The following AWAT2 variants were observed in gnomAD, a reference collection of about 807,000 sequenced individuals.
AWAT2 encodes the protein acyl-CoA wax alcohol acyltransferase 2.
AWAT2 carries 9 observed loss-of-function variants against 22.3 expected under a neutral mutation model. The ratio of observed to expected loss-of-function variants is 0.40; its 90% CI spans 0.24 to 0.70. AWAT2 has a LOEUF of 0.70. Among genes scored for constraint, AWAT2 ranks in the 30% least tolerant of loss-of-function variants. The pLI is 0.36. For synonymous variants in AWAT2, 100 were observed against 93.4 expected (o/e 1.07, Z -0.40); for missense variants, 217 against 265.9 (o/e 0.82, Z 1.28).
chrX:70,047,979 C>T (rs1243217691), intron 1 of AWAT2, among the ~76,000 whole-genome samples: 1 of 103,635 alleles, frequency 9.6e-6, no homozygotes, highest in Non-Finnish European at 2.0e-5. Flanking sequence ...ACACTGGGAC[C>T]TGATCCCTCA....
intron 1 of AWAT2, among the ~76,000 whole-genome samples, chrX:70,047,251 TC>T: frequency 8.9e-6 from 1 of 112,278 alleles, no homozygotes; most frequent in East Asian, 2.8e-4. Context: ...AATTGTTACA[TC>T]AGCAAATAAT....
At chrX:70,045,870 C>T (rs1602631309) in intron 1 of AWAT2, among the ~76,000 whole-genome samples, 1 of 110,940 alleles carries the variant, frequency 9.0e-6, no homozygotes, top group East Asian at 2.9e-4. Context: ...CAAGCAGGGC[C>T]AGGGATAGGG....
intron 1 of AWAT2, 58 bp from the exon 2 acceptor site, chrX:70,044,520 C>T: frequency 8.5e-7 from 1 of 1,174,811 alleles, no homozygotes; most frequent in Non-Finnish European, 1.1e-6. Context: ...CACTTACCCT[C>T]TCTCCGGAGT....
At chrX:70,042,511 C>G in intron 5 of AWAT2, 125 bp from the exon 6 acceptor site, 1 of 690,080 alleles carries the variant, frequency 1.4e-6, no homozygotes, top group East Asian at 3.5e-5. Context: ...TCCAGCTGTG[C>G]CTAGGTCCAA....
At chrX:70,044,621 A>G (rs1439529454) in intron 1 of AWAT2, among the ~76,000 whole-genome samples, 159 bp from the exon 2 acceptor site, 1 of 112,347 alleles carries the variant, frequency 8.9e-6, no homozygotes, top group Non-Finnish European at 1.9e-5. Flanking sequence ...CCATCTGCCC[A>G]TGTTCCCAGC....
Position 70,044,008 on chromosome X carries a change from G to T in AWAT2, c.197-12C>A. On this transcript the variant is annotated splice_polypyrimidine_tract_variant and intron_variant, in intron 2 of 7. Transcript: ENST00000276101. ...AAACCGGCGGCCGCCTGAAAACAGA[G>T]GCAATGCAGCCAAGCTTTGTCCATT... 8.4e-7 allele frequency: 1 copy of T among 1,184,174 alleles called. No individual in the cohort carries two copies.
chrX:70,043,275 G>A, intron 4 of AWAT2, 32 bp from the exon 5 acceptor site: 1 of 1,172,985 alleles, frequency 8.5e-7, no homozygotes, highest in African/African-American at 1.7e-5. Context: ...ACAGCCACTG[G>A]TCACTTCCCA....
In AWAT2 at chrX:70,042,303, C is replaced by A. The variant is rs776963283; in HGVS notation, c.731G>T (p.Arg244Leu). Residue 244 changes from arginine (R) to leucine (L), a missense_variant, in exon 6 of 8, where the codon CGC becomes CTC. Physicochemically the swap from Arg to Leu is moderately radical, Grantham distance 102. Transcript: ENST00000276101. The stretch of plus-strand genomic sequence containing the variant: ...CATGCTCTGGAACCACTTCTGGAAG[C>A]GGTTGACAAAGCCACCAGGAGTGAA... ...HIFTPGGFVN[R>L]FQKWFQSMVH... The A allele has an allele frequency of 3.3e-6, 4 of 1,211,236 alleles. No homozygotes were observed. Among genetic ancestry groups the A allele is most frequent in the Non-Finnish European group, 4.5e-6 (4 of 894,834 alleles).
At chrX:70,048,859 C>A (rs909161389) in intron 1 of AWAT2, among the ~76,000 whole-genome samples, 2 of 111,374 alleles carry the variant, frequency 1.8e-5, no homozygotes, top group African/African-American at 6.5e-5. Context: ...CCACAGTGAG[C>A]GGTGACTCCC....
chrX:70,044,137 C>T, intron 2 of AWAT2, 141 bp from the exon 3 acceptor site: 3 of 903,934 alleles, frequency 3.3e-6, no homozygotes, highest in Non-Finnish European at 4.6e-6. Context: ...ACAGGCCTAG[C>T]TTCTGCTTCA....
Position 70,044,613 on chromosome X carries a change from A to T in AWAT2, c.86-151T>A, listed in dbSNP as rs2020351160. On this transcript the variant is annotated intron_variant, in intron 1 of 7. Transcript: ENST00000276101. ...ACTTCTTCACCCCAGCACCTGGCCC[A>T]TCTGCCCATGTTCCCAGCCCCCTCT... 9 of 969,137 alleles carry T rather than the reference A, an allele frequency of 9.3e-6. No individual in the cohort carries two copies. The South Asian group carries it at 2.0e-4, about 22-fold the overall frequency. 79.9% of individuals were successfully genotyped at this position (969,137 alleles called of 1,213,427 possible).
Position 70,043,353 on chromosome X carries a change from G to A in AWAT2, c.473-110C>T, listed in dbSNP as rs1211193212. The A allele has an allele frequency of 8.0e-6, 8 of 997,645 alleles. No individual in the cohort carries two copies. In the Admixed American group the frequency reaches 8.6e-5, roughly 11 times the overall value. The allele number at this position is 997,645 out of a possible 1,213,427, so 82.2% of individuals were successfully genotyped here. A position where few individuals can be genotyped will look rare whatever the true frequency, so the allele number is the denominator to read the frequency against. On this transcript the variant is annotated intron_variant, in intron 4 of 7. Coordinates refer to ENST00000276101, the MANE Select transcript of AWAT2 (RefSeq NM_001002254.1). ...GCAAGGAGCCTAACATCAGGCAGGT[G>A]AGCCTATGATAGCTGTTTCACACCA...
rs780915226 is a variant in AWAT2, at chrX:70,041,960, C to G, written c.850G>C (p.Gly284Arg). The stretch of plus-strand genomic sequence containing the variant: ...ATCTTGGGCATTGGTAGAGGCTCCC[C>G]GACTGCCAGGGGAGACAGTGAAGGA... Reference protein sequence around the residue: ...PYSRPVTTIVGEPLPMPKIEN... With the variant: ...PYSRPVTTIVREPLPMPKIEN... Residue 284 changes from glycine (G) to arginine (R), a missense_variant and splice_region_variant, in exon 7 of 8, where the codon GGG becomes CGG. Transcript: ENST00000276101. 1 of 1,208,222 alleles carries G rather than the reference C, an allele frequency of 8.3e-7. No homozygotes were observed.
intron 5 of AWAT2, 99 bp from the exon 6 acceptor site, chrX:70,042,485 G>T: frequency 1.2e-6 from 1 of 853,623 alleles, no homozygotes; most frequent in Non-Finnish European, 1.7e-6. Flanking sequence ...CTGCCTACAG[G>T]CTTCTCAGAC....
Position 70,043,555 on chromosome X carries a change from G to C in AWAT2, c.395C>G (p.Pro132Arg). The change falls in exon 4 of 8, where the codon CCT becomes CGT. Residue 132 changes from proline (P) to arginine (R), a missense_variant. Transcript: ENST00000276101. Reference sequence around the variant, plus strand: ...TGTGAGTATGTAAGGGGTGATGCCAGGAAATATCTTGGAGAAGCCTGAGGC... The same window carrying C: ...TGTGAGTATGTAAGGGGTGATGCCACGAAATATCTTGGAGAAGCCTGAGGC... ...TEASGFSKIF[P>R]GITPYILTLG... 8.3e-7 allele frequency: 1 copy of C among 1,210,999 alleles called. No individual in the cohort carries two copies. The highest frequency in any genetic ancestry group is 1.1e-6 in the Non-Finnish European group (1 of 894,745).
At position 70,040,543 on chromosome X, in the gene AWAT2, A is replaced by G. The variant is rs2020318761; in HGVS notation, c.*1115T>C. The G allele has an allele frequency of 8.9e-6, 1 of 112,515 alleles. No individual in the cohort carries two copies. Among genetic ancestry groups the G allele is most frequent in the Non-Finnish European group, 1.9e-5 (1 of 53,323 alleles). The allele number at this position is 112,515 out of a possible 1,213,427, so 9.3% of individuals were successfully genotyped here. ...GAAACCAGTCACAGGAAAGCTACAG[A>G]CTGTTTAAAAACACTTTATGGAAGC... On this transcript the variant is annotated 3_prime_UTR_variant, in exon 8 of 8. Coordinates refer to ENST00000276101, the MANE Select transcript of AWAT2 (RefSeq NM_001002254.1).
chrX:70,042,980 T>C (rs2020338865), intron 5 of AWAT2, 89 bp downstream of exon 5: 1 of 835,631 alleles, frequency 1.2e-6, no homozygotes, highest in East Asian at 3.7e-5. Context: ...CCTCTCTCTG[T>C]GGATGTCCTT....
In AWAT2 at chrX:70,042,307, T is replaced by G. The variant is rs2020333148; in HGVS notation, c.727A>C (p.Asn243His). ...CTCTGGAACCACTTCTGGAAGCGGT[T>G]GACAAAGCCACCAGGAGTGAAAATG... The part of the protein sequence containing the change: ...QHIFTPGGFV[N>H]RFQKWFQSMV... The change falls in exon 6 of 8, where the codon AAC (asparagine) becomes CAC (histidine). Residue 243 changes from asparagine to histidine, a missense_variant. Transcript: ENST00000276101. 1.5e-5 allele frequency: 18 copies of G among 1,211,905 alleles called. No homozygotes were observed. Among genetic ancestry groups the G allele is most frequent in the Non-Finnish European group, 2.0e-5 (18 of 895,403 alleles).
At chrX:70,042,159 C>T (rs1158998939) in intron 6 of AWAT2, 28 bp downstream of exon 6, 2 of 1,176,351 alleles carry the variant, frequency 1.7e-6, no homozygotes, top group Non-Finnish European at 2.3e-6. Context: ...GTCCTAGACT[C>T]AGGCTGCCAG....
Sources: gnomAD v4.1 joint callset for allele counts (sites outside exome capture counted in the v4.1 genomes callset) on GRCh38, gnomAD v4.1.1 for gene constraint, MANE v1.5 for transcripts, NCBI Gene and HGNC (gene_info 2026-07-23, HGNC 2026-07-21) for gene names.